Variants in ENPP3 observed in about 807,000 individuals in gnomAD.
ENPP3 encodes ectonucleotide pyrophosphatase/phosphodiesterase 3, also known as ectonucleotide pyrophosphatase/phosphodiesterase family member 3.
Under a neutral mutation model 117.8 loss-of-function variants are expected in ENPP3, and 104 were observed. That is an observed-to-expected ratio of 0.88 (90% confidence interval 0.75 to 1.04). ENPP3 has a LOEUF of 1.04. Ranked by LOEUF, ENPP3 falls within the 50% of genes least tolerant of loss-of-function variation. ENPP3 has a pLI of 0.00. For missense variants in ENPP3, 1,026 were observed against 1,051.9 expected (o/e 0.98, Z 0.34); for synonymous variants, 380 against 349.9 (o/e 1.09, Z -0.96).
chr6:131,679,970 G>A (rs1386732176), intron 11 of ENPP3, among the ~76,000 whole-genome samples: 1 of 152,182 alleles, frequency 6.6e-6, no homozygotes, highest in African/African-American at 2.4e-5. Flanking sequence ...GAAGGAGTCA[G>A]GCACCAATCC....
chr6:131,650,230 T>A (rs1778235019), intron 3 of ENPP3, 81 bp downstream of exon 3: 1 of 1,430,602 alleles, frequency 7.0e-7, no homozygotes, highest in East Asian at 2.4e-5. Context: ...TTTTCTTTCC[T>A]TTTTTTTGAG....
chr6:131,683,084 G>T lies in ENPP3; in HGVS notation c.1042G>T (p.Ala348Ser). The T allele has an allele frequency of 6.2e-7, 1 of 1,611,462 alleles. No homozygotes were observed. The highest frequency in any genetic ancestry group is 1.1e-5 in the South Asian group (1 of 90,960). The change falls in exon 12 of 25, where the codon GCT becomes TCT. Residue 348 changes from alanine (A) to serine (S), a missense_variant. By Grantham distance (99) the Ala-to-Ser change is moderately conservative. Transcript: ENST00000357639. The stretch of plus-strand genomic sequence containing the variant: ...TAAAGCCTTACAGGTAGTAGATCAT[G>T]CTTTTGGGATGTTGATGGAAGGCCT... Reference protein sequence around the residue: ...VIKALQVVDHAFGMLMEGLKQ... With the variant: ...VIKALQVVDHSFGMLMEGLKQ...
At chr6:131,739,758 A>G (rs1328279215) in intron 23 of ENPP3, among the ~76,000 whole-genome samples, 1 of 151,598 alleles carries the variant, frequency 6.6e-6, no homozygotes, top group Non-Finnish European at 1.5e-5. Flanking sequence ...TTACTTTGGC[A>G]TTTCTTTAAA....
At chr6:131,664,363 A>G (rs1359865220) in intron 6 of ENPP3, among the ~76,000 whole-genome samples, 6 of 152,194 alleles carry the variant, frequency 3.9e-5, no homozygotes, top group Non-Finnish European at 7.3e-5. Flanking sequence ...TATAAAGAAA[A>G]TATTTTTTAC....
At chr6:131,745,293 T>C (rs774911792) in intron 24 of ENPP3, among the ~76,000 whole-genome samples, 1 of 152,002 alleles carries the variant, frequency 6.6e-6, no homozygotes, top group Non-Finnish European at 1.5e-5. Context: ...TAGCTCGCAT[T>C]GTGAATCTGA....
At chr6:131,700,636 T>C (rs1258237067) in intron 15 of ENPP3, 1 of 1,557,058 alleles carries the variant, frequency 6.4e-7, no homozygotes, top group Non-Finnish European at 8.6e-7. Flanking sequence ...ACATACATGA[T>C]AATGGCTGTG....
rs894923884 is a variant in ENPP3 at position 131,720,375 on chromosome 6, G to A, written c.1563G>A (p.Met521Ile). 2.7e-6 allele frequency: 4 copies of A among 1,492,994 alleles called. No homozygotes were observed. The highest frequency in any genetic ancestry group is 2.8e-5 in the African/African-American group (2 of 71,224). 92.5% of individuals were successfully genotyped at this position (1,492,994 alleles called of 1,614,324 possible). The change falls in exon 17 of 25, where the codon ATG becomes ATA. Residue 521 changes from methionine (M) to isoleucine (I), a missense_variant. By Grantham distance (10) the Met-to-Ile change is conservative. Coordinates refer to ENST00000357639, the MANE Select transcript of ENPP3 (RefSeq NM_005021.5). ...PFENIEVYNL[M>I]CDLLRIQPAP... ...AAAATATTGAAGTCTATAACCTAAT[G>A]TGTGGTAAGTATATTTAAATAAGTT... is the stretch of plus-strand genomic sequence containing the variant.
In ENPP3 at chr6:131,671,680, T is replaced by G. The variant is rs551970464; in HGVS notation, c.642+353T>G. ...CTATATATAGGGACAACTACTTTGATGTGGGAAATTTTGTTCTTTCCTAGT... is the reference window on the plus strand; with the variant it reads ...CTATATATAGGGACAACTACTTTGAGGTGGGAAATTTTGTTCTTTCCTAGT... On this transcript the variant is annotated intron_variant, in intron 7 of 24. Coordinates refer to ENST00000357639, the MANE Select transcript of ENPP3 (RefSeq NM_005021.5). Among the ~76,000 whole-genome samples, 14 of 152,322 alleles carry G rather than the reference T, an allele frequency of 9.2e-5. No homozygotes were observed. The South Asian group carries it at 2.9e-3, about 32-fold the overall frequency.
intron 20 of ENPP3, among the ~76,000 whole-genome samples, chr6:131,730,241 C>A (rs1780246973): frequency 6.6e-6 from 1 of 152,194 alleles, no homozygotes; most frequent in Non-Finnish European, 1.5e-5. Context: ...GGTCAGCAGT[C>A]ACCATTCCTT....
chr6:131,639,124 T>C (rs1433404467), intron 1 of ENPP3, among the ~76,000 whole-genome samples: 1 of 152,050 alleles, frequency 6.6e-6, no homozygotes, highest in East Asian at 1.9e-4. Flanking sequence ...GTAAATAAAA[T>C]AATGTAAAAC....
At position 131,716,281 on chromosome 6, in the gene ENPP3, T is replaced by A. The variant is rs536369403; in HGVS notation, c.1413-2391T>A. On this transcript the variant is annotated intron_variant, in intron 15 of 24. Coordinates refer to ENST00000357639, the MANE Select transcript of ENPP3 (RefSeq NM_005021.5). ...TATGTAACTTCCAAAGCTAAATTAA[T>A]GATTAGACATGAACATGAGGAGGTA... Among the ~76,000 whole-genome samples the A allele has an allele frequency of 3.4e-4, 52 of 152,314 alleles. 1 individual carries two copies. In the South Asian group the frequency reaches 0.01, roughly 30 times the overall value.
chr6:131,638,182 T>G (rs1261155087), intron 1 of ENPP3, among the ~76,000 whole-genome samples: 1 of 152,102 alleles, frequency 6.6e-6, no homozygotes, highest in Non-Finnish European at 1.5e-5. Flanking sequence ...CAAAAGTCAG[T>G]CCTCCTCGTC....
At position 131,726,090 on chromosome 6, in the gene ENPP3, G is replaced by A. The variant is rs1292899522; in HGVS notation, c.1843G>A (p.Val615Ile). Reference sequence around the variant, plus strand: ...AAATTTGCCATTTGGGAGGCCTAGGGTACTGCAGAAGAACGTGGACCACTG... The same window carrying A: ...AAATTTGCCATTTGGGAGGCCTAGGATACTGCAGAAGAACGTGGACCACTG... ...KVNLPFGRPR[V>I]LQKNVDHCLL... The change falls in exon 20 of 25, where the codon GTA becomes ATA. Residue 615 changes from valine to isoleucine, a missense_variant. Val to Ile is a conservative substitution (Grantham distance 29). Coordinates refer to ENST00000357639, the MANE Select transcript of ENPP3 (RefSeq NM_005021.5). The A allele has an allele frequency of 1.2e-6, 2 of 1,613,194 alleles. No homozygotes were observed. Among genetic ancestry groups the A allele is most frequent in the South Asian group, 1.1e-5 (1 of 91,048 alleles).
chr6:131,671,466 G>C (rs1778740419), intron 7 of ENPP3, 139 bp downstream of exon 7: 2 of 639,780 alleles, frequency 3.1e-6, no homozygotes, highest in African/African-American at 3.7e-5. Flanking sequence ...GCTGAATTCA[G>C]GCTGTGAAGG....
At chr6:131,675,056 C>A in intron 8 of ENPP3, 24 bp from the exon 9 acceptor site, 1 of 1,445,436 alleles carries the variant, frequency 6.9e-7, no homozygotes, top group Non-Finnish European at 9.7e-7. Context: ...TACTGACTTT[C>A]GCTTATCCTA....
At position 131,683,007 on chromosome 6, in the gene ENPP3, A is replaced by G. The variant is rs766021036; in HGVS notation, c.1012-47A>G. 6.1e-6 allele frequency: 7 copies of G among 1,156,690 alleles called. No homozygotes were observed. In the East Asian group the frequency reaches 1.6e-4, roughly 27 times the overall value. 71.7% of individuals were successfully genotyped at this position (1,156,690 alleles called of 1,614,324 possible). On this transcript the variant is annotated intron_variant, in intron 11 of 24. Transcript: ENST00000357639. The stretch of plus-strand genomic sequence containing the variant: ...ACTTCATTAGATAACGGTTTGGCTA[A>G]TTAAGACAACTCATTACGACAATCT...
At position 131,674,274 on chromosome 6, in the gene ENPP3, G is replaced by A; in HGVS notation, c.755G>A (p.Gly252Glu). 1.2e-6 allele frequency: 2 copies of A among 1,613,466 alleles called. No homozygotes were observed. The highest frequency in any genetic ancestry group is 8.5e-7 in the Non-Finnish European group (1 of 1,179,588). Residue 252 changes from glycine (G) to glutamate (E), a missense_variant, in exon 8 of 25, where the codon GGG becomes GAG. Transcript: ENST00000357639. Reference sequence around the variant, plus strand: ...CAAAATAATCCAGCCTGGTGGCATGGGCAACCAGTATGTAGCATTCTACAC... The same window carrying A: ...CAAAATAATCCAGCCTGGTGGCATGAGCAACCAGTATGTAGCATTCTACAC... ...KEQNNPAWWH[G>E]QPMWLTAMYQ...
Position 131,653,834 on chromosome 6 carries a change from CA to C in ENPP3, c.464+944del, listed in dbSNP as rs1279667453. 5.9e-5 allele frequency among the ~76,000 whole-genome samples: 9 copies of C among 152,146 alleles called. 1 individual carries two copies. Among genetic ancestry groups the C allele is most frequent in the African/African-American group, 2.2e-4 (9 of 41,446 alleles). On this transcript the variant is annotated intron_variant, in intron 5 of 24. Coordinates refer to ENST00000357639, the MANE Select transcript of ENPP3 (RefSeq NM_005021.5). ...GAAGGGTGAATGAGGAGAGCTTTGT[CA>C]GGGGGCATAGGTGATGAACACGTGA...
In ENPP3 at chr6:131,722,347, G is replaced by A. The variant is rs747586674; in HGVS notation, c.1688G>A (p.Gly563Asp). 1 of 1,614,030 alleles carries A rather than the reference G, an allele frequency of 6.2e-7. No homozygotes were observed. The highest frequency in any genetic ancestry group is 1.1e-5 in the South Asian group (1 of 91,062). The change falls in exon 18 of 25, where the codon GGC (glycine) becomes GAC (aspartate). Residue 563 changes from glycine (G) to aspartate (D), a missense_variant. Transcript: ENST00000357639. ...AEEVSKFSVC[G>D]FANPLPTESL... ...GAGGTGTCAAAGTTTTCTGTTTGTG[G>A]CTTTGCTAATCCATTGCCCACAGAG...
Sources: gnomAD v4.1 joint callset for allele counts (sites outside exome capture counted in the v4.1 genomes callset) on GRCh38, gnomAD v4.1.1 for gene constraint, MANE v1.5 for transcripts, NCBI Gene and HGNC (gene_info 2026-07-23, HGNC 2026-07-21) for gene names.